Variants in CDH18 observed in about 807,000 individuals in gnomAD.
CDH18 encodes the protein cadherin-18.
Under a neutral mutation model 67.9 loss-of-function variants are expected in CDH18, and 31 were observed. That is an observed-to-expected ratio of 0.46 (90% CI 0.34 to 0.62). The LOEUF (loss-of-function observed/expected upper bound fraction) is 0.62, where lower values mean the gene tolerates loss of function less well. CDH18 is among the 20% of genes least tolerant of loss of function. The probability of loss-of-function intolerance (pLI) is 0.01; values close to 1 mark genes in which losing one functional copy is unlikely to be tolerated. For missense variants in CDH18, 890 were observed against 975.5 expected (o/e 0.91, Z 1.17); for synonymous variants, 362 against 347.2 (o/e 1.04, Z -0.48).
chr5:20,049,219 C>G (rs1476590873), intron 2 of CDH18, among the ~76,000 whole-genome samples: 3 of 151,456 alleles, frequency 2.0e-5, no homozygotes, highest in African/African-American at 7.3e-5. Context: ...GAAGAGCGTA[C>G]TGGAACTCAG....
intron 5 of CDH18, among the ~76,000 whole-genome samples, chr5:19,655,073 T>C (rs1756150690): frequency 1.3e-5 from 2 of 152,258 alleles, no homozygotes; most frequent in African/African-American, 4.8e-5. Context: ...AGTTCGCACT[T>C]AGCGCTGCAG....
intron 2 of CDH18, among the ~76,000 whole-genome samples, chr5:19,885,146 C>T (rs1283218382): frequency 6.6e-6 from 1 of 152,150 alleles, no homozygotes; most frequent in Non-Finnish European, 1.5e-5. Flanking sequence ...AGGGAATGAA[C>T]TCTGGTGCCA....
chr5:20,446,554 G>C (rs965333177), intron 1 of CDH18, among the ~76,000 whole-genome samples: 2 of 152,062 alleles, frequency 1.3e-5, no homozygotes, highest in African/African-American at 4.8e-5. Flanking sequence ...AGAAATAAGA[G>C]AATCCTGTGC....
At chr5:19,550,336 A>C (rs570265126) in intron 8 of CDH18, among the ~76,000 whole-genome samples, 2 of 152,158 alleles carry the variant, frequency 1.3e-5, no homozygotes, top group South Asian at 2.1e-4. Flanking sequence ...ATACGTATAC[A>C]TGTGCCATGT....
At chr5:20,079,909 G>A (rs149270750) in intron 2 of CDH18, among the ~76,000 whole-genome samples, 2,365 of 152,150 alleles carry the variant, frequency 0.016, 35 homozygotes, top group Non-Finnish European at 0.026. Context: ...ACAAAGCTGA[G>A]AGGGCAGCAG....
intron 2 of CDH18, among the ~76,000 whole-genome samples, chr5:20,096,198 C>T (rs1158929455): frequency 3.3e-5 from 5 of 152,048 alleles, no homozygotes; most frequent in Non-Finnish European, 7.4e-5. Context: ...TTTATGAATG[C>T]GTATTCAAAA....
intron 5 of CDH18, among the ~76,000 whole-genome samples, chr5:19,696,149 T>C (rs1420087897): frequency 6.6e-6 from 1 of 152,006 alleles, no homozygotes; most frequent in Non-Finnish European, 1.5e-5. Context: ...ATAGAGAATA[T>C]GGGTATATTA....
chr5:20,570,952 A>G (rs768934124), intron 1 of CDH18, among the ~76,000 whole-genome samples: 15 of 152,184 alleles, frequency 9.9e-5, no homozygotes, highest in African/African-American at 1.7e-4. Context: ...CATAGCAACA[A>G]GAGAGCAAAT....
In CDH18 at chr5:20,328,062, C is replaced by T. The variant is rs557089079; in HGVS notation, c.-579-72557G>A. On this transcript the variant is annotated intron_variant, in intron 1 of 14. Coordinates refer to the CDH18 transcript ENST00000507958. ...AGAAAATAAGAAGTCCACCTTGCTACGGAGAAATAAGAGAAGAGTGATGAA... is the reference window on the plus strand; with the variant it reads ...AGAAAATAAGAAGTCCACCTTGCTATGGAGAAATAAGAGAAGAGTGATGAA... 4.7e-4 allele frequency among the ~76,000 whole-genome samples: 72 copies of T among 151,916 alleles called. 1 individual carries two copies. The highest frequency in any genetic ancestry group is 3.4e-3 in the Middle Eastern group (1 of 294).
chr5:19,709,699 A>G (rs531707836), intron 5 of CDH18, among the ~76,000 whole-genome samples: 4 of 151,792 alleles, frequency 2.6e-5, no homozygotes, highest in Non-Finnish European at 5.9e-5. Flanking sequence ...GAAAAGGAAA[A>G]AAAAGAAAAG....
At chr5:20,290,047 C>T (rs1049570211) in intron 1 of CDH18, among the ~76,000 whole-genome samples, 7 of 152,082 alleles carry the variant, frequency 4.6e-5, no homozygotes, top group African/African-American at 1.4e-4. Flanking sequence ...AGATGTGCTT[C>T]CTGACTATTT....
intron 1 of CDH18, among the ~76,000 whole-genome samples, chr5:20,561,666 T>C (rs1383715065): frequency 2.0e-5 from 3 of 152,012 alleles, no homozygotes; most frequent in Non-Finnish European, 4.4e-5. Flanking sequence ...GATTCTATAA[T>C]AGTGAATACA....
At position 19,687,302 on chromosome 5, in the gene CDH18, C is replaced by T. The variant is rs542317257; in HGVS notation, c.643+34045G>A. 2.0e-5 allele frequency among the ~76,000 whole-genome samples: 3 copies of T among 152,260 alleles called. No homozygotes were observed. The South Asian group carries it at 6.2e-4, about 32-fold the overall frequency. On this transcript the variant is annotated intron_variant, in intron 5 of 12. Transcript: ENST00000382275. ...GCATCCCAGAGCCATTTTGAAAGACCAGCCTCCATCAGAATGCATCCTGTT... is the reference window on the plus strand; with the variant it reads ...GCATCCCAGAGCCATTTTGAAAGACTAGCCTCCATCAGAATGCATCCTGTT...
At chr5:20,166,005 T>G (rs1296320438) in intron 2 of CDH18, among the ~76,000 whole-genome samples, 1 of 152,174 alleles carries the variant, frequency 6.6e-6, no homozygotes, top group African/African-American at 2.4e-5. Flanking sequence ...ATTTTTACAG[T>G]TTCCCCTGTC....
At chr5:19,979,221 TGTGTGTG>T (rs1561671694) in intron 2 of CDH18, among the ~76,000 whole-genome samples, 2 of 150,988 alleles carry the variant, frequency 1.3e-5, no homozygotes, top group South Asian at 2.1e-4. Context: ...ATGGAGTGTG[TGTGTGTG>T]TGTGTGTGTG....
At chr5:19,492,401 C>G (rs1741614677) in intron 11 of CDH18, among the ~76,000 whole-genome samples, 1 of 152,110 alleles carries the variant, frequency 6.6e-6, no homozygotes, top group Non-Finnish European at 1.5e-5. Context: ...TCCTGGAAGT[C>G]TGGCTCAAGC....
intron 2 of CDH18, among the ~76,000 whole-genome samples, chr5:19,938,334 AAAC>A (rs1242895931): frequency 6.6e-6 from 1 of 151,168 alleles, no homozygotes; most frequent in Non-Finnish European, 1.5e-5. Context: ...TTCCTGACTG[AAAC>A]AACAAGTTTA....
At chr5:20,549,445 A>G (rs1192261598) in intron 1 of CDH18, among the ~76,000 whole-genome samples, 1 of 152,150 alleles carries the variant, frequency 6.6e-6, no homozygotes, top group African/African-American at 2.4e-5. Flanking sequence ...GAAGAACTGC[A>G]AAGACTTCAA....
intron 3 of CDH18, among the ~76,000 whole-genome samples, chr5:19,808,476 A>C (rs774635134): frequency 1.1e-4 from 17 of 152,140 alleles, no homozygotes; most frequent in Non-Finnish European, 1.9e-4. Context: ...TCTGAGAATA[A>C]TGTAATACCA....
Sources: allele counts gnomAD v4.1 joint callset (sites outside exome capture counted in the v4.1 genomes callset), GRCh38; gene constraint gnomAD v4.1.1; transcripts MANE v1.5; gene names NCBI Gene and HGNC (gene_info 2026-07-23, HGNC 2026-07-21).